Variants in H2BC18 observed in about 807,000 individuals in gnomAD.
H2BC18 encodes the protein H2B clustered histone 18, also known as histone H2B type 2-F.
Under a neutral mutation model 6.3 loss-of-function variants are expected in H2BC18, and 8 were observed. The ratio of observed to expected loss-of-function variants is 1.28; its 90% CI spans 0.75 to 2.31. The LOEUF is 2.31. Ranked by LOEUF, H2BC18 falls within the 30% of genes most tolerant of loss-of-function variation. The probability of loss-of-function intolerance (pLI) is 0.00; values close to 1 mark genes in which losing one functional copy is unlikely to be tolerated. For synonymous variants in H2BC18, 104 were observed against 78.1 expected (o/e 1.33, Z -1.75); for missense variants, 106 against 174.5 (o/e 0.61, Z 2.21).
At chr1:149,790,673 T>C (rs587710686) in intron 1 of H2BC18, among the ~76,000 whole-genome samples, 29 of 149,654 alleles carry the variant, frequency 1.9e-4, no homozygotes, top group African/African-American at 6.9e-4. Flanking sequence ...CTTCTCTCTC[T>C]CTCTCTCCCT....
downstream of H2BC18, among the ~76,000 whole-genome samples, chr1:149,807,675 G>A (rs2091933228): frequency 1.3e-5 from 2 of 151,862 alleles, no homozygotes; most frequent in African/African-American, 2.4e-5. Flanking sequence ...ATGATGGCTG[G>A]CATCTGTAAT....
At chr1:149,790,343 G>C in intron 1 of H2BC18, 1 of 1,586,254 alleles carries the variant, frequency 6.3e-7, no homozygotes, top group Non-Finnish European at 8.6e-7. Flanking sequence ...TGCTTGGTGA[G>C]TGAGAATGAC....
chr1:149,809,802 AAG>A (rs1310855844), downstream of H2BC18, among the ~76,000 whole-genome samples: 33 of 150,444 alleles, frequency 2.2e-4, 1 homozygote, highest in Non-Finnish European at 3.3e-4. Flanking sequence ...AGATTTGAGC[AAG>A]AGTTTAAAAG....
Position 149,812,246 on chromosome 1 carries a change from G to T in H2BC18, c.78C>A (p.Asp26Glu). Residue 26 changes from aspartate to glutamate, a missense_variant, in exon 1 of 1, where the codon GAC becomes GAA. Asp to Glu is a conservative substitution (Grantham distance 45, BLOSUM62 2). Around this residue, in one of 3 missense-constraint regions of H2BC18, gnomAD observed 70 missense variants for 64.6 expected, o/e 1.08. Transcript: ENST00000369167. The stretch of plus-strand genomic sequence containing the variant: ...TGCGGCTGCGCTTGCGCTTCTTGCC[G>T]TCCTTCTTCTGCACTTTCGTAACAG... ...KKAVTKVQKK[D>E]GKKRKRSRKE... 6.2e-7 allele frequency: 1 copy of T among 1,614,268 alleles called. No homozygotes were observed. Among genetic ancestry groups the T allele is most frequent in the Non-Finnish European group, 8.5e-7 (1 of 1,180,048 alleles).
intron 1 of H2BC18, among the ~76,000 whole-genome samples, chr1:149,801,920 T>G (rs1360393962): frequency 6.6e-6 from 1 of 152,012 alleles, no homozygotes; most frequent in Non-Finnish European, 1.5e-5. Flanking sequence ...CTAGAAAAAT[T>G]TAATATGCCA....
intron 1 of H2BC18, chr1:149,790,192 G>A (rs1553751552): frequency 6.2e-7 from 1 of 1,613,846 alleles, no homozygotes; most frequent in African/African-American, 1.3e-5. Context: ...TACATGGGCA[G>A]CAAGACCCTG....
intron 1 of H2BC18, among the ~76,000 whole-genome samples, chr1:149,799,632 A>G (rs587657643): frequency 6.6e-6 from 1 of 152,320 alleles, no homozygotes; most frequent in South Asian, 2.1e-4. Context: ...GTAGATTTGT[A>G]TTTTATTTCT....
At chr1:149,810,849 A>G (rs1320851990), downstream of H2BC18, 4 of 152,200 alleles carry the variant, frequency 2.6e-5, no homozygotes, top group African/African-American at 4.8e-5. Flanking sequence ...CTAAAAACCA[A>G]CCACCTCGTC....
Position 149,793,183 on chromosome 1 carries a change from C to T in H2BC18, c.378-9923G>A, listed in dbSNP as rs1553752395. The T allele has an allele frequency of 2.3e-6, 3 of 1,278,336 alleles. No homozygotes were observed. In the South Asian group the frequency reaches 3.7e-5, roughly 16 times the overall value. 79.2% of individuals were successfully genotyped at this position (1,278,336 alleles called of 1,614,324 possible). Reference sequence around the variant, plus strand: ...TAGATCACAGGAAACGGGAGGACGGCGCTGGGCTCCCAGCAGGCGCCCCAT... The same window carrying T: ...TAGATCACAGGAAACGGGAGGACGGTGCTGGGCTCCCAGCAGGCGCCCCAT... On this transcript the variant is annotated intron_variant, in intron 1 of 1. Coordinates refer to the H2BC18 transcript ENST00000545683.
intron 1 of H2BC18, chr1:149,793,213 T>C (rs1553752411): frequency 2.4e-6 from 3 of 1,273,904 alleles, no homozygotes; most frequent in Non-Finnish European, 2.0e-6. Flanking sequence ...CCCCATTTTC[T>C]TGGCTTGTCG....
At chr1:149,807,214 T>C (rs12240163), downstream of H2BC18, among the ~76,000 whole-genome samples, 2 of 152,102 alleles carry the variant, frequency 1.3e-5, no homozygotes, top group Non-Finnish European at 2.9e-5. Context: ...ACCAGCCTAA[T>C]AGTCACACCA....
At chr1:149,798,582 C>T (rs13375270) in intron 1 of H2BC18, among the ~76,000 whole-genome samples, 1,914 of 150,566 alleles carry the variant, frequency 0.013, 26 homozygotes, top group African/African-American at 0.044. Context: ...ATATACCCTT[C>T]TAGTGCCATA....
chr1:149,787,248 C>T (rs593678), intron 1 of H2BC18: 17 of 152,318 alleles, frequency 1.1e-4, no homozygotes, highest in African/African-American at 4.1e-4. Flanking sequence ...GAAACACCTG[C>T]CTTCCATTCT....
intron 1 of H2BC18, among the ~76,000 whole-genome samples, chr1:149,802,952 T>C (rs1378329620): frequency 6.6e-5 from 10 of 152,210 alleles, no homozygotes; most frequent in Admixed American, 2.0e-4. Context: ...CCAACCCACA[T>C]TGAGGGTGAG....
intron 1 of H2BC18, among the ~76,000 whole-genome samples, chr1:149,797,367 T>C (rs1415940534): frequency 1.3e-4 from 20 of 152,228 alleles, no homozygotes; most frequent in Non-Finnish European, 2.5e-4. Flanking sequence ...TTCGCAAATA[T>C]ATATCAAAAA....
chr1:149,786,476 G>A (rs1253839656), intron 1 of H2BC18: 4 of 152,162 alleles, frequency 2.6e-5, no homozygotes, highest in South Asian at 2.1e-4. Context: ...GGTTGGTGCC[G>A]TCTATGCCCT....
intron 1 of H2BC18, chr1:149,783,611 C>T: frequency 1.0e-5 from 1 of 97,694 alleles, no homozygotes; most frequent in Non-Finnish European, 1.7e-5. Flanking sequence ...TTTGAACCTC[C>T]GTTTCCAATG....
intron 1 of H2BC18, chr1:149,787,836 C>A (rs2091593832): frequency 1.1e-5 from 2 of 175,162 alleles, no homozygotes; most frequent in South Asian, 2.3e-4. Flanking sequence ...TGGGGGGCCA[C>A]TCTCAGCTCC....
chr1:149,806,318 C>T (rs1164452815), intron 1 of H2BC18, among the ~76,000 whole-genome samples: 37 of 152,116 alleles, frequency 2.4e-4, no homozygotes, highest in Non-Finnish European at 4.3e-4. Context: ...AGAGGCCGGG[C>T]GCACTGGCTC....
Sources: gnomAD v4.1 joint callset for allele counts (sites outside exome capture counted in the v4.1 genomes callset) on GRCh38, gnomAD v4.1.1 for gene constraint, gnomAD v4.1.1 regional missense constraint, MANE v1.5 for transcripts, NCBI Gene and HGNC (gene_info 2026-07-23, HGNC 2026-07-21) for gene names.